The following SLC18A3 variants were observed in gnomAD, a reference collection of about 807,000 sequenced individuals.
SLC18A3 encodes solute carrier family 18 member A3, also known as vesicular acetylcholine transporter.
A neutral mutation model predicts 24.2 loss-of-function variants in SLC18A3; 18 were observed. The observed-to-expected ratio is 0.74, with a 90% CI of 0.51 to 1.10. The LOEUF is 1.10. SLC18A3 is among the 50% of genes least tolerant of loss of function. The probability of loss-of-function intolerance (pLI) is 0.00; values close to 1 mark genes in which losing one functional copy is unlikely to be tolerated. For missense variants in SLC18A3, 744 were observed against 750.7 expected (o/e 0.99, Z 0.10); for synonymous variants, 415 against 355.4 (o/e 1.17, Z -1.89).
chr10:49,612,274 C>T lies in SLC18A3; in HGVS notation c.1534C>T (p.Arg512Cys), dbSNP rs754259907. 6.2e-7 allele frequency: 1 copy of T among 1,611,394 alleles called. No homozygotes were observed. The highest frequency in any genetic ancestry group is 8.5e-7 in the Non-Finnish European group (1 of 1,179,850). Residue 512 changes from arginine (R) to cysteine (C), a missense_variant, in exon 1 of 1, where the codon CGC (arginine) becomes TGC (cysteine). Coordinates refer to ENST00000374115, the MANE Select transcript of SLC18A3 (RefSeq NM_003055.3). The stretch of plus-strand genomic sequence containing the variant: ...TGTGTCTGGCCAGGACGGCGAGCCT[C>T]GCAGCCCGCCTGGCCCTTTTGATGC... ...RPVSGQDGEP[R>C]SPPGPFDACE...
In SLC18A3 at chr10:49,610,672, C is replaced by T. The variant is rs1838264491; in HGVS notation, c.-69C>T. 6 of 1,425,592 alleles carry T rather than the reference C, an allele frequency of 4.2e-6. No homozygotes were observed. The highest frequency in any genetic ancestry group is 4.6e-6 in the Non-Finnish European group (5 of 1,090,150). The allele number at this position is 1,425,592 out of a possible 1,614,324, so 88.3% of individuals were successfully genotyped here. ...CCTCCCCGAAGTCCCGTGCCCTCGC[C>T]TCTGCACTGCGGGACGCCAGCGCTC... is the stretch of plus-strand genomic sequence containing the variant. On this transcript the variant is annotated 5_prime_UTR_variant, in exon 1 of 1. Coordinates refer to ENST00000374115, the MANE Select transcript of SLC18A3 (RefSeq NM_003055.3).
Position 49,610,697 on chromosome 10 carries a change from C to T in SLC18A3, c.-44C>T, listed in dbSNP as rs758786388. 3.5e-5 allele frequency: 51 copies of T among 1,449,130 alleles called. No homozygotes were observed. Among genetic ancestry groups the T allele is most frequent in the Non-Finnish European group, 4.2e-5 (46 of 1,105,770 alleles). The allele number at this position is 1,449,130 out of a possible 1,614,324, so 89.8% of individuals were successfully genotyped here. ...CTCTGCACTGCGGGACGCCAGCGCTCGGCCCTGGCGGAGGCGTCCTCGGAA... is the reference window on the plus strand; with the variant it reads ...CTCTGCACTGCGGGACGCCAGCGCTTGGCCCTGGCGGAGGCGTCCTCGGAA... On this transcript the variant is annotated 5_prime_UTR_variant, in exon 1 of 1. Coordinates refer to ENST00000374115, the MANE Select transcript of SLC18A3 (RefSeq NM_003055.3).
chr10:49,610,786 A>G lies in SLC18A3; in HGVS notation c.46A>G (p.Lys16Glu), dbSNP rs753971264. The G allele has an allele frequency of 1.3e-6, 2 of 1,576,222 alleles. No homozygotes were observed. The highest frequency in any genetic ancestry group is 3.8e-5 in the Admixed American group (2 of 52,456). The change falls in exon 1 of 1, where the codon AAG becomes GAG. Residue 16 changes from lysine (K) to glutamate (E), a missense_variant. Physicochemically the swap from Lys to Glu is moderately conservative, Grantham distance 56. This residue lies in a region of SLC18A3 where 566 missense variants were observed against 566.2 expected (regional missense o/e 1.00). Transcript: ENST00000374115. ...PAGQARAAATKLSEAVGAALQ... is the reference protein window; with the variant it reads ...PAGQARAAATELSEAVGAALQ... ...GGGCCAGGCCCGGGCGGCGGCCACCAAGCTGTCGGAGGCTGTGGGCGCGGC... is the reference window on the plus strand; with the variant it reads ...GGGCCAGGCCCGGGCGGCGGCCACCGAGCTGTCGGAGGCTGTGGGCGCGGC...
chr10:49,611,199 G>T lies in SLC18A3; in HGVS notation c.459G>T (p.Val153=), dbSNP rs759539118. The T allele has an allele frequency of 1.2e-6, 2 of 1,613,994 alleles. No homozygotes were observed. The highest frequency in any genetic ancestry group is 2.7e-5 in the African/African-American group (2 of 74,950). Residue 153 remains valine, a synonymous_variant, in exon 1 of 1, where the codon GTG becomes GTT. Coordinates refer to ENST00000374115, the MANE Select transcript of SLC18A3 (RefSeq NM_003055.3). ...TCATCGACCGCATGAGCTACGACGTGCCGCTGCTGATCGGCCTGGGCGTCA... is the reference window on the plus strand; with the variant it reads ...TCATCGACCGCATGAGCTACGACGTTCCGCTGCTGATCGGCCTGGGCGTCA... ...GPFIDRMSYD[V]PLLIGLGVMF...
chr10:49,611,481 G>T lies in SLC18A3; in HGVS notation c.741G>T (p.Val247=), dbSNP rs945290522. The T allele has an allele frequency of 1.9e-6, 3 of 1,599,644 alleles. No homozygotes were observed. In the Admixed American group the frequency reaches 5.0e-5, roughly 27 times the overall value. The stretch of plus-strand genomic sequence containing the variant: ...CCGGCAAGCGCGTGCCCTTCTTGGT[G>T]CTAGCTGCCGTGTCGCTCTTTGACG... ...EFAGKRVPFL[V]LAAVSLFDAL... Residue 247 remains valine, a synonymous_variant, in exon 1 of 1, where the codon GTG becomes GTT. Transcript: ENST00000374115.
chr10:49,611,208 G>C lies in SLC18A3; in HGVS notation c.468G>C (p.Leu156=). Residue 156 remains leucine, a synonymous_variant, in exon 1 of 1, where the codon CTG becomes CTC. Coordinates refer to ENST00000374115, the MANE Select transcript of SLC18A3 (RefSeq NM_003055.3). The part of the protein sequence containing the change: ...IDRMSYDVPL[L]IGLGVMFAST... Reference sequence around the variant, plus strand: ...GCATGAGCTACGACGTGCCGCTGCTGATCGGCCTGGGCGTCATGTTCGCCT... The same window carrying C: ...GCATGAGCTACGACGTGCCGCTGCTCATCGGCCTGGGCGTCATGTTCGCCT... 1 of 1,614,080 alleles carries C rather than the reference G, an allele frequency of 6.2e-7. No individual in the cohort carries two copies.
In SLC18A3 at chr10:49,610,827, G is replaced by T; in HGVS notation, c.87G>T (p.Arg29=). The change falls in exon 1 of 1, where the codon CGG becomes CGT. Residue 29 remains arginine (R), a synonymous_variant. Coordinates refer to ENST00000374115, the MANE Select transcript of SLC18A3 (RefSeq NM_003055.3). ...EAVGAALQEP[R]RQRRLVLVIV... ...TGGGCGCGGCGCTGCAGGAGCCCCG[G>T]CGGCAGAGGCGCCTGGTGCTTGTTA... is the stretch of plus-strand genomic sequence containing the variant. 6.2e-7 allele frequency: 1 copy of T among 1,607,908 alleles called. No individual in the cohort carries two copies.
In SLC18A3 at chr10:49,612,199, G is replaced by A. The variant is rs753088885; in HGVS notation, c.1459G>A (p.Asp487Asn). ...RSRSERDVLLDEPPQGLYDAV... is the reference protein window; with the variant it reads ...RSRSERDVLLNEPPQGLYDAV... ...CCGTTCCGAGCGCGATGTGCTGCTT[G>A]ATGAGCCACCGCAAGGTCTGTACGA... Residue 487 changes from aspartate to asparagine, a missense_variant, in exon 1 of 1, where the codon GAT (aspartate) becomes AAT (asparagine). By Grantham distance (23) the Asp-to-Asn change is conservative (BLOSUM62 1). Coordinates refer to ENST00000374115, the MANE Select transcript of SLC18A3 (RefSeq NM_003055.3). 2 of 1,609,214 alleles carry A rather than the reference G, an allele frequency of 1.2e-6. No homozygotes were observed. Among genetic ancestry groups the A allele is most frequent in the Non-Finnish European group, 1.7e-6 (2 of 1,179,998 alleles).
Position 49,612,037 on chromosome 10 carries a change from G to A in SLC18A3, c.1297G>A (p.Ala433Thr). ...CGACATCTCCTATTCGGTGGCCTAC[G>A]CGCTCGGGCCCATAGTGGCAGGCCA... ...IADISYSVAY[A>T]LGPIVAGHIV... is the part of the protein sequence containing the mutation. Residue 433 changes from alanine to threonine, a missense_variant, in exon 1 of 1, where the codon GCG becomes ACG. This residue lies in a region of SLC18A3 where 160 missense variants were observed against 140.9 expected (regional missense o/e 1.14). Transcript: ENST00000374115. 2.5e-6 allele frequency: 4 copies of A among 1,613,746 alleles called. No homozygotes were observed. The highest frequency in any genetic ancestry group is 3.4e-6 in the Non-Finnish European group (4 of 1,179,988).
Position 49,612,382 on chromosome 10 carries a change from AG to A in SLC18A3, c.*48del. 6.5e-7 allele frequency: 1 copy of A among 1,539,796 alleles called. No individual in the cohort carries two copies. Among genetic ancestry groups the A allele is most frequent in the South Asian group, 1.3e-5 (1 of 78,796 alleles). Reference sequence around the variant, plus strand: ...CAGCCCACCCAACCGCCTTGGGTCAAGGGGGCTGCTCTGCAAGCCCACTGGC... The same window carrying A: ...CAGCCCACCCAACCGCCTTGGGTCAAGGGGCTGCTCTGCAAGCCCACTGGC... On this transcript the variant is annotated 3_prime_UTR_variant, in exon 1 of 1. Transcript: ENST00000374115.
chr10:49,611,052 G>A lies in SLC18A3; in HGVS notation c.312G>A (p.Ala104=), dbSNP rs199561778. ...TANTSASPTA[A]WPAGSALRPR... is the part of the protein sequence containing the mutation. ...ACACCTCGGCGTCCCCGACAGCTGC[G>A]TGGCCAGCGGGCTCAGCCCTTCGGC... Residue 104 remains alanine, a synonymous_variant, in exon 1 of 1, where the codon GCG becomes GCA. Coordinates refer to ENST00000374115, the MANE Select transcript of SLC18A3 (RefSeq NM_003055.3). 1.2e-5 allele frequency: 19 copies of A among 1,613,914 alleles called. No individual in the cohort carries two copies. Among genetic ancestry groups the A allele is most frequent in the Non-Finnish European group, 1.5e-5 (18 of 1,179,972 alleles).
Position 49,611,514 on chromosome 10 carries a change from G to A in SLC18A3, c.774G>A (p.Leu258=). Residue 258 remains leucine, a synonymous_variant, in exon 1 of 1, where the codon TTG becomes TTA. Transcript: ENST00000374115. ...LAAVSLFDAL[L]LLAVAKPFSA... ...CCGTGTCGCTCTTTGACGCGCTGTT[G>A]CTGCTGGCAGTGGCCAAACCCTTCT... 1 of 1,601,444 alleles carries A rather than the reference G, an allele frequency of 6.2e-7. No individual in the cohort carries two copies. The highest frequency in any genetic ancestry group is 8.5e-7 in the Non-Finnish European group (1 of 1,179,918).
Position 49,612,104 on chromosome 10 carries a change from T to C in SLC18A3, c.1364T>C (p.Met455Thr). The C allele has an allele frequency of 1.2e-6, 2 of 1,613,042 alleles. No individual in the cohort carries two copies. Among genetic ancestry groups the C allele is most frequent in the South Asian group, 2.2e-5 (2 of 91,060 alleles). The change falls in exon 1 of 1, where the codon ATG becomes ACG. Residue 455 changes from methionine (M) to threonine (T), a missense_variant. Coordinates refer to ENST00000374115, the MANE Select transcript of SLC18A3 (RefSeq NM_003055.3). ...SLGFEQLSLG[M>T]GLANLLYAPV... ...GGCTTTGAGCAGCTCAGCCTTGGCA[T>C]GGGACTGGCCAACCTGCTCTATGCT...
Position 49,611,866 on chromosome 10 carries a change from G to A in SLC18A3, c.1126G>A (p.Ala376Thr), listed in dbSNP as rs149604765. The stretch of plus-strand genomic sequence containing the variant: ...CGGCGCCAGCTCGTGCATCGTGCCC[G>A]CCTGCCGCTCCTTCGCGCCGCTAGT... ...VIGASSCIVPACRSFAPLVVS... is the reference protein window; with the variant it reads ...VIGASSCIVPTCRSFAPLVVS... Residue 376 changes from alanine to threonine, a missense_variant, in exon 1 of 1, where the codon GCC becomes ACC. By Grantham distance (58) the Ala-to-Thr change is moderately conservative. This residue lies in a region of SLC18A3 where 566 missense variants were observed against 566.2 expected (regional missense o/e 1.00). Coordinates refer to ENST00000374115, the MANE Select transcript of SLC18A3 (RefSeq NM_003055.3). The A allele has an allele frequency of 1.9e-6, 3 of 1,606,736 alleles. No individual in the cohort carries two copies. Among genetic ancestry groups the A allele is most frequent in the Non-Finnish European group, 2.5e-6 (3 of 1,179,784 alleles).
Position 49,611,330 on chromosome 10 carries a change from T to C in SLC18A3, c.590T>C (p.Ile197Thr). The C allele has an allele frequency of 6.2e-7, 1 of 1,603,622 alleles. No individual in the cohort carries two copies. Among genetic ancestry groups the C allele is most frequent in the Non-Finnish European group, 8.5e-7 (1 of 1,179,870 alleles). The change falls in exon 1 of 1, where the codon ATA (isoleucine) becomes ACA (threonine). Residue 197 changes from isoleucine to threonine, a missense_variant. Coordinates refer to ENST00000374115, the MANE Select transcript of SLC18A3 (RefSeq NM_003055.3). ...TCAGCCTTCGCCGACACGTCTGGCA[T>C]AGCCATGATCGCCGATAAGTACCCG... is the stretch of plus-strand genomic sequence containing the variant. ...LGSAFADTSG[I>T]AMIADKYPEE...
Position 49,612,405 on chromosome 10 carries a change from T to C in SLC18A3, c.*66T>C. 1 of 1,473,650 alleles carries C rather than the reference T, an allele frequency of 6.8e-7. No individual in the cohort carries two copies. The highest frequency in any genetic ancestry group is 1.4e-5 in the South Asian group (1 of 74,070). The allele number at this position is 1,473,650 out of a possible 1,614,324, so 91.3% of individuals were successfully genotyped here. A position where few individuals can be genotyped will look rare whatever the true frequency, so the allele number is the denominator to read the frequency against. On this transcript the variant is annotated 3_prime_UTR_variant, in exon 1 of 1. Coordinates refer to ENST00000374115, the MANE Select transcript of SLC18A3 (RefSeq NM_003055.3). Reference sequence around the variant, plus strand: ...CAAGGGGGCTGCTCTGCAAGCCCACTGGCCAGCTCTGGCTCAGGGCCCACC... The same window carrying C: ...CAAGGGGGCTGCTCTGCAAGCCCACCGGCCAGCTCTGGCTCAGGGCCCACC...
In SLC18A3 at chr10:49,612,174, C is replaced by G. The variant is rs765313360; in HGVS notation, c.1434C>G (p.Ser478=). The part of the protein sequence containing the change: ...LLRNVGLLTR[S]RSERDVLLDE... ...GCAACGTGGGCCTCCTGACGCGCTCCCGTTCCGAGCGCGATGTGCTGCTTG... is the reference window on the plus strand; with the variant it reads ...GCAACGTGGGCCTCCTGACGCGCTCGCGTTCCGAGCGCGATGTGCTGCTTG... The change falls in exon 1 of 1, where the codon TCC becomes TCG. Residue 478 remains serine (S), a synonymous_variant. Transcript: ENST00000374115. 2 of 1,610,316 alleles carry G rather than the reference C, an allele frequency of 1.2e-6. No homozygotes were observed. The highest frequency in any genetic ancestry group is 1.1e-5 in the South Asian group (1 of 91,060).
At position 49,612,415 on chromosome 10, in the gene SLC18A3, T is replaced by G; in HGVS notation, c.*76T>G. The stretch of plus-strand genomic sequence containing the variant: ...GCTCTGCAAGCCCACTGGCCAGCTC[T>G]GGCTCAGGGCCCACCTCCTCCAGCG... On this transcript the variant is annotated 3_prime_UTR_variant, in exon 1 of 1. Transcript: ENST00000374115. The G allele has an allele frequency of 1.4e-6, 2 of 1,437,762 alleles. No individual in the cohort carries two copies. Among genetic ancestry groups the G allele is most frequent in the Non-Finnish European group, 1.9e-6 (2 of 1,061,164 alleles). 89.1% of individuals were successfully genotyped at this position (1,437,762 alleles called of 1,614,324 possible).
Position 49,611,560 on chromosome 10 carries a change from G to T in SLC18A3, c.820G>T (p.Ala274Ser). ...CTTCTCGGCGGCTGCACGGGCTCGG[G>T]CCAACCTGCCAGTGGGCACTCCCAT... ...KPFSAAARAR[A>S]NLPVGTPIHR... is the part of the protein sequence containing the mutation. Residue 274 changes from alanine (A) to serine (S), a missense_variant, in exon 1 of 1, where the codon GCC (alanine) becomes TCC (serine). This residue lies in a region of SLC18A3 where 566 missense variants were observed against 566.2 expected (regional missense o/e 1.00). Transcript: ENST00000374115. The T allele has an allele frequency of 1.2e-6, 2 of 1,605,616 alleles. No homozygotes were observed. Among genetic ancestry groups the T allele is most frequent in the Non-Finnish European group, 1.7e-6 (2 of 1,179,956 alleles).
Sources: allele counts gnomAD v4.1 joint callset, GRCh38; gene constraint gnomAD v4.1.1; regional missense constraint gnomAD v4.1.1; transcripts MANE v1.5; gene names NCBI Gene and HGNC (gene_info 2026-07-23, HGNC 2026-07-21).